The following TIA1 variants were observed in gnomAD, a reference collection of about 807,000 sequenced individuals.
TIA1 encodes TIA1 cytotoxic granule associated RNA binding protein.
In TIA1, 23 loss-of-function variants were observed where a neutral mutation model predicts 65.9. That is an observed-to-expected ratio of 0.35 (90% CI 0.25 to 0.49). The LOEUF is 0.49. Ranked by LOEUF, TIA1 falls within the 20% of genes least tolerant of loss-of-function variation. TIA1 has a pLI of 0.98. For synonymous variants in TIA1, 147 were observed against 149.4 expected, an observed-to-expected ratio of 0.98 and a Z score of 0.12; for missense variants, 371 against 477.9, an observed-to-expected ratio of 0.78 and a Z score of 2.09.
In TIA1 at chr2:70,218,879, T is replaced by C. The variant is rs1164409531; in HGVS notation, c.475-1885A>G. On this transcript the variant is annotated intron_variant, in intron 7 of 12. Transcript: ENST00000433529. ...CATTGCAGTAGCAGTGAATGTAACT[T>C]AAACTCAAGGCCAAAATAATGGGGG... 5.3e-5 allele frequency among the ~76,000 whole-genome samples: 8 copies of C among 152,294 alleles called. No individual in the cohort carries two copies. In the East Asian group the frequency reaches 1.5e-3, roughly 29 times the overall value.
At chr2:70,225,337 C>T (rs1340473336) in intron 6 of TIA1, 1 of 1,286,896 alleles carries the variant, frequency 7.8e-7, no homozygotes, top group Non-Finnish European at 1.0e-6. Context: ...CATTTATCCA[C>T]TGTGAACCGT....
chr2:70,240,878 C>T (rs1260308915), intron 1 of TIA1, among the ~76,000 whole-genome samples: 1 of 151,312 alleles, frequency 6.6e-6, no homozygotes, highest in Non-Finnish European at 1.5e-5. Context: ...CCCTCCCTGC[C>T]CCCCCACCAA....
At chr2:70,228,328 ACAAT>A (rs1558842534) in intron 5 of TIA1, 3 of 1,282,460 alleles carry the variant, frequency 2.3e-6, no homozygotes, top group Non-Finnish European at 3.0e-6. Flanking sequence ...TTTGTGAAGA[ACAAT>A]CAAAGAAATA....
chr2:70,228,588 C>T, intron 5 of TIA1: 3 of 1,104,518 alleles, frequency 2.7e-6, no homozygotes, highest in Non-Finnish European at 3.3e-6. Flanking sequence ...AAAAAAGAAA[C>T]ACTTTAAAAA....
intron 5 of TIA1, among the ~76,000 whole-genome samples, 176 bp from the exon 6 acceptor site, chr2:70,227,998 A>G (rs1376147151): frequency 6.6e-6 from 1 of 152,174 alleles, no homozygotes; most frequent in Admixed American, 6.5e-5. Flanking sequence ...GAATCAAGGT[A>G]ACAATATAGG....
At position 70,224,611 on chromosome 2, in the gene TIA1, T is replaced by G; in HGVS notation, c.417A>C (p.Lys139Asn). Reference sequence around the variant, plus strand: ...CCTTAGACTTTCCTGTTGCCATGTCTTTTACCACTCGGGCATCTCTGAAAT... The same window carrying G: ...CCTTAGACTTTCCTGTTGCCATGTCGTTTACCACTCGGGCATCTCTGAAAT... ...FGRISDARVVKDMATGKSKGY... is the reference protein window; with the variant it reads ...FGRISDARVVNDMATGKSKGY... The change falls in exon 7 of 13, where the codon AAA becomes AAC. Residue 139 changes from lysine (K) to asparagine (N), a missense_variant. Physicochemically the swap from Lys to Asn is moderately conservative, Grantham distance 94. Transcript: ENST00000433529. 1 of 1,613,906 alleles carries G rather than the reference T, an allele frequency of 6.2e-7. No homozygotes were observed.
Position 70,216,900 on chromosome 2 carries a change from T to C in TIA1, c.569A>G (p.Lys190Arg). The change falls in exon 8 of 13, where the codon AAG becomes AGG. Residue 190 changes from lysine to arginine, a missense_variant. Coordinates refer to ENST00000433529, the MANE Select transcript of TIA1 (RefSeq NM_022173.4). The stretch of plus-strand genomic sequence containing the variant: ...AATACACCTACACTCATATGTACTC[T>C]TTGGAGCGGGAGGCTTTCGGGTTGC... Reference protein sequence around the residue: ...NWATRKPPAPKSTYESNTKQL... With the variant: ...NWATRKPPAPRSTYESNTKQL... 1 of 1,614,106 alleles carries C rather than the reference T, an allele frequency of 6.2e-7. No homozygotes were observed. The highest frequency in any genetic ancestry group is 8.5e-7 in the Non-Finnish European group (1 of 1,179,980).
At chr2:70,231,078 T>A (rs1201468688) in intron 2 of TIA1, among the ~76,000 whole-genome samples, 1 of 152,044 alleles carries the variant, frequency 6.6e-6, no homozygotes, top group Non-Finnish European at 1.5e-5. Context: ...GGCAGGTGGA[T>A]CATGAGGTCA....
rs1358583126 is a variant in TIA1 at position 70,211,856 on chromosome 2, T to A, written c.*863A>T. 6.6e-6 allele frequency: 1 copy of A among 152,574 alleles called. No individual in the cohort carries two copies. Among genetic ancestry groups the A allele is most frequent in the South Asian group, 2.1e-4 (1 of 4,834 alleles). 9.5% of individuals were successfully genotyped at this position (152,574 alleles called of 1,614,324 possible). On this transcript the variant is annotated 3_prime_UTR_variant, in exon 13 of 13. Coordinates refer to ENST00000433529, the MANE Select transcript of TIA1 (RefSeq NM_022173.4). ...CATAATGAAATAATACATGTAAATG[T>A]TGAAGTTGACACATGAAATTAACAT...
chr2:70,230,883 T>C (rs772967981), intron 2 of TIA1, 29 bp from the exon 3 acceptor site: 2 of 1,561,100 alleles, frequency 1.3e-6, no homozygotes, highest in Non-Finnish European at 1.7e-6. Flanking sequence ...AAAAGCCAAT[T>C]TTAAGCTTTA....
At chr2:70,246,177 GC>G (rs1038882421) in intron 1 of TIA1, among the ~76,000 whole-genome samples, 1 of 152,212 alleles carries the variant, frequency 6.6e-6, no homozygotes. Context: ...ACCCTCCTCA[GC>G]CCCCCAAAGT....
intron 7 of TIA1, among the ~76,000 whole-genome samples, chr2:70,222,643 C>T (rs1361154390): frequency 1.3e-5 from 2 of 152,152 alleles, no homozygotes; most frequent in Non-Finnish European, 2.9e-5. Flanking sequence ...CTGCCGGGCG[C>T]AGTGGCTCAC....
At chr2:70,240,953 T>G (rs1691398249) in intron 1 of TIA1, among the ~76,000 whole-genome samples, 1 of 151,526 alleles carries the variant, frequency 6.6e-6, no homozygotes, top group African/African-American at 2.4e-5. Flanking sequence ...GGATCCCGGA[T>G]GAGGGGAAAA....
chr2:70,214,494 G>A lies in TIA1; in HGVS notation c.889C>T (p.Gln297Ter). Residue 297 changes from glutamine (Q) to a stop codon, truncating the protein, a stop_gained and splice_region_variant, in exon 12 of 13, where the codon CAG (glutamine) becomes TAG (stop). Coordinates refer to ENST00000433529, the MANE Select transcript of TIA1 (RefSeq NM_022173.4). LOFTEE classifies it high-confidence loss of function. Reference protein sequence around the residue: ...TLDMINPVQQQNQIGYPQPYG... With the variant: ...TLDMINPVQQ ...GGTTGGGGATATCCAATTTGATTCT[G>A]CTATTAAATAAAATTTAGTATTACT... The A allele has an allele frequency of 6.2e-7, 1 of 1,606,184 alleles. No individual in the cohort carries two copies. Among genetic ancestry groups the A allele is most frequent in the African/African-American group, 1.3e-5 (1 of 74,578 alleles).
rs111759046 is a variant in TIA1, at chr2:70,248,596, G to A, written c.-166C>T. The A allele has an allele frequency of 2.9e-3, 2,783 of 976,156 alleles. 62 individuals carry two copies. The African/African-American group carries it at 0.041, about 14-fold the overall frequency. The allele number at this position is 976,156 out of a possible 1,614,324, so 60.5% of individuals were successfully genotyped here. A position where few individuals can be genotyped will look rare whatever the true frequency, so the allele number is the denominator to read the frequency against. ...ATTACACTAAACCGCCCGGCCCAGCGGGAACAATGAAACCCCAATACAAGA... is the reference window on the plus strand; with the variant it reads ...ATTACACTAAACCGCCCGGCCCAGCAGGAACAATGAAACCCCAATACAAGA... On this transcript the variant is annotated 5_prime_UTR_variant, in exon 1 of 13. Coordinates refer to ENST00000433529, the MANE Select transcript of TIA1 (RefSeq NM_022173.4).
chr2:70,225,459 C>A, intron 6 of TIA1: 1 of 1,275,618 alleles, frequency 7.8e-7, no homozygotes. Context: ...AGCTAAAACT[C>A]CATACCTCAA....
At chr2:70,235,578 G>A (rs1379011225) in intron 2 of TIA1, among the ~76,000 whole-genome samples, 1 of 148,098 alleles carries the variant, frequency 6.8e-6, no homozygotes, top group East Asian at 2.0e-4. Flanking sequence ...GTGTATGTGT[G>A]TGTGTTTAAT....
In TIA1 at chr2:70,212,562, G is replaced by T; in HGVS notation, c.*157C>A. 1.9e-6 allele frequency: 1 copy of T among 536,394 alleles called. No homozygotes were observed. Among genetic ancestry groups the T allele is most frequent in the Non-Finnish European group, 3.4e-6 (1 of 296,694 alleles). 33.2% of individuals were successfully genotyped at this position (536,394 alleles called of 1,614,324 possible). On this transcript the variant is annotated 3_prime_UTR_variant, in exon 13 of 13. Coordinates refer to ENST00000433529, the MANE Select transcript of TIA1 (RefSeq NM_022173.4). ...TCTTGTTTCTTTTTAAAACAATGTG[G>T]ATGATAAGTAATTTCATGATTAAAA...
chr2:70,211,104 G>C lies in TIA1; in HGVS notation c.*1615C>G, dbSNP rs1335906176. On this transcript the variant is annotated 3_prime_UTR_variant, in exon 13 of 13. Transcript: ENST00000433529. Reference sequence around the variant, plus strand: ...CTAGGTAAAATGCAGGGAGCTCCCTGAAGGTCTTGAAAACCATCAACCATT... The same window carrying C: ...CTAGGTAAAATGCAGGGAGCTCCCTCAAGGTCTTGAAAACCATCAACCATT... 6.6e-6 allele frequency: 1 copy of C among 152,172 alleles called. No homozygotes were observed. The highest frequency in any genetic ancestry group is 1.5e-5 in the Non-Finnish European group (1 of 68,026). 9.4% of individuals were successfully genotyped at this position (152,172 alleles called of 1,614,324 possible). A position where few individuals can be genotyped will look rare whatever the true frequency, so the allele number is the denominator to read the frequency against.
Sources: gnomAD v4.1 joint callset for allele counts (sites outside exome capture counted in the v4.1 genomes callset) on GRCh38, gnomAD v4.1.1 for gene constraint, MANE v1.5 for transcripts, NCBI Gene and HGNC (gene_info 2026-07-23, HGNC 2026-07-21) for gene names.